The following CLCN3 variants were observed in gnomAD, a reference collection of about 807,000 sequenced individuals.
CLCN3 encodes the protein Cl-/H+ antiporter 3.
CLCN3 carries 16 observed loss-of-function variants against 83.4 expected under a neutral mutation model. The observed-to-expected ratio is 0.19, with a 90% CI of 0.13 to 0.29. CLCN3 has a LOEUF of 0.29. CLCN3 is among the 10% of genes least tolerant of loss of function. CLCN3 has a pLI of 1.00. For synonymous variants in CLCN3, 322 were observed against 346.2 expected (o/e 0.93, Z 0.78); for missense variants, 544 against 1,006.0 (o/e 0.54, Z 6.21).
At position 169,665,538 on chromosome 4, in the gene CLCN3, T is replaced by A. The variant is rs200956811; in HGVS notation, c.161-14512T>A. Reference sequence around the variant, plus strand: ...CATTCTGGAACTTCCACTATCAACTTAGAACGTTTACTTTCCCATCCCTTA... The same window carrying A: ...CATTCTGGAACTTCCACTATCAACTAAGAACGTTTACTTTCCCATCCCTTA... On this transcript the variant is annotated intron_variant, in intron 2 of 12. Transcript: ENST00000513761. Among the ~76,000 whole-genome samples the A allele has an allele frequency of 6.6e-5, 10 of 152,202 alleles. No individual in the cohort carries two copies. The East Asian group carries it at 1.9e-3, about 29-fold the overall frequency.
At chr4:169,677,748 T>G (rs959292122) in intron 2 of CLCN3, among the ~76,000 whole-genome samples, 2 of 152,240 alleles carry the variant, frequency 1.3e-5, no homozygotes, top group African/African-American at 4.8e-5. Flanking sequence ...ATAGGACTTC[T>G]TTCTCCATAG....
intron 2 of CLCN3, among the ~76,000 whole-genome samples, chr4:169,652,499 T>A (rs115850822): frequency 0.018 from 2,810 of 152,316 alleles, 40 homozygotes; most frequent in Non-Finnish European, 0.029. Flanking sequence ...TATCATTTTT[T>A]AAAAAATGAA....
At chr4:169,700,289 G>A (rs1208654522) in intron 9 of CLCN3, among the ~76,000 whole-genome samples, 3 of 152,084 alleles carry the variant, frequency 2.0e-5, no homozygotes, top group African/African-American at 7.2e-5. Context: ...ACAGGATCTC[G>A]CCTTTTTGCC....
At chr4:169,707,328 A>G (rs1733033303) in intron 11 of CLCN3, 62 bp downstream of exon 11, 1 of 1,275,694 alleles carries the variant, frequency 7.8e-7, no homozygotes, top group Non-Finnish European at 1.1e-6. Context: ...AAGGAAAGCA[A>G]TAAGCAGTAA....
intron 2 of CLCN3, 109 bp downstream of exon 2, chr4:169,636,197 C>T: frequency 1.1e-6 from 1 of 948,360 alleles, no homozygotes; most frequent in Non-Finnish European, 1.6e-6. Context: ...AATTTGAGAT[C>T]AAATTTACAT....
At chr4:169,697,112 C>A in intron 8 of CLCN3, 77 bp from the exon 9 acceptor site, 1 of 1,036,172 alleles carries the variant, frequency 9.7e-7, no homozygotes, top group Non-Finnish European at 1.4e-6. Context: ...AGGATATTTA[C>A]CATTCAAGTT....
chr4:169,660,198 C>A, intron 2 of CLCN3: 1 of 1,188,682 alleles, frequency 8.4e-7, no homozygotes, highest in Non-Finnish European at 1.0e-6. Context: ...TTGATGACAT[C>A]ATCCACTGTG....
intron 12 of CLCN3, among the ~76,000 whole-genome samples, chr4:169,718,935 A>G (rs1321487023): frequency 6.6e-6 from 1 of 152,240 alleles, no homozygotes; most frequent in Non-Finnish European, 1.5e-5. Flanking sequence ...AGACTTTCAT[A>G]AAAGCACTGT....
intron 9 of CLCN3, among the ~76,000 whole-genome samples, chr4:169,702,175 A>G (rs1487186257): frequency 2.0e-5 from 3 of 152,146 alleles, no homozygotes; most frequent in African/African-American, 7.2e-5. Context: ...GAGAGAGAGC[A>G]TGAGAGCTGT....
At chr4:169,666,415 G>A (rs1006601280) in intron 2 of CLCN3, among the ~76,000 whole-genome samples, 11 of 152,164 alleles carry the variant, frequency 7.2e-5, no homozygotes, top group African/African-American at 2.7e-4. Flanking sequence ...GGTAAGAATG[G>A]GGATGCATTA....
intron 11 of CLCN3, among the ~76,000 whole-genome samples, chr4:169,710,574 TA>T (rs1553973462): frequency 6.6e-6 from 1 of 152,222 alleles, no homozygotes; most frequent in Non-Finnish European, 1.5e-5. Flanking sequence ...CGAAAAGTGT[TA>T]TTTTTTTAAA....
At chr4:169,717,773 G>T in intron 12 of CLCN3, 2 of 1,510,392 alleles carry the variant, frequency 1.3e-6, no homozygotes, top group Non-Finnish European at 1.8e-6. Flanking sequence ...ACAGTTATTA[G>T]CATAATAATC....
intron 2 of CLCN3, among the ~76,000 whole-genome samples, chr4:169,664,289 AT>A (rs1196323574): frequency 6.6e-6 from 1 of 152,176 alleles, no homozygotes; most frequent in African/African-American, 2.4e-5. Context: ...TCTCCCTGAA[AT>A]TATTTCTTGA....
chr4:169,645,754 T>C (rs918120440), intron 2 of CLCN3, among the ~76,000 whole-genome samples: 9 of 152,186 alleles, frequency 5.9e-5, no homozygotes, highest in African/African-American at 1.9e-4. Flanking sequence ...GTACTACTTT[T>C]ACTTTGCTTC....
intron 10 of CLCN3, 57 bp from the exon 11 acceptor site, chr4:169,706,810 TA>T (rs1262837872): frequency 1.6e-5 from 24 of 1,464,170 alleles, no homozygotes; most frequent in Non-Finnish European, 2.2e-5. Context: ...AAAATTCTAA[TA>T]AAATGTAATG....
intron 2 of CLCN3, among the ~76,000 whole-genome samples, chr4:169,666,520 A>T (rs2150224892): frequency 6.6e-6 from 1 of 152,298 alleles, no homozygotes; most frequent in South Asian, 2.1e-4. Flanking sequence ...CATTTTAAAT[A>T]ATATGGGAAA....
chr4:169,646,638 T>C (rs977108672), intron 2 of CLCN3, among the ~76,000 whole-genome samples: 1 of 152,158 alleles, frequency 6.6e-6, no homozygotes, highest in African/African-American at 2.4e-5. Flanking sequence ...AAGTTTTGGT[T>C]TAGCTGGACA....
At chr4:169,715,054 C>G (rs146780447) in intron 12 of CLCN3, among the ~76,000 whole-genome samples, 1 of 152,190 alleles carries the variant, frequency 6.6e-6, no homozygotes, top group African/African-American at 2.4e-5. Context: ...TTATTTGCTT[C>G]AAGTTGTTTT....
intron 2 of CLCN3, among the ~76,000 whole-genome samples, chr4:169,644,487 C>A (rs1680491567): frequency 6.6e-6 from 1 of 152,094 alleles, no homozygotes; most frequent in African/African-American, 2.4e-5. Context: ...AGTGATCCGC[C>A]CGCCTCAGCC....
Sources: allele counts gnomAD v4.1 joint callset (sites outside exome capture counted in the v4.1 genomes callset), GRCh38; gene constraint gnomAD v4.1.1; transcripts MANE v1.5; gene names NCBI Gene and HGNC (gene_info 2026-07-23, HGNC 2026-07-21).